SLC25A48: variants seen among roughly 807,000 people sequenced by gnomAD.
SLC25A48 encodes CTC-321K16.1.
SLC25A48 carries 29 observed loss-of-function variants against 32.2 expected under a neutral mutation model. That is an observed-to-expected ratio of 0.90 (90% CI 0.67 to 1.23). The LOEUF (loss-of-function observed/expected upper bound fraction) is 1.23, where lower values mean the gene tolerates loss of function less well. SLC25A48 is among the 50% of genes most tolerant of loss of function. The pLI, the probability that SLC25A48 is intolerant of heterozygous loss-of-function variation, is 0.00. For synonymous variants in SLC25A48, 164 were observed against 172.3 expected (o/e 0.95, Z 0.38); for missense variants, 399 against 422.7 (o/e 0.94, Z 0.49).
chr5:135,603,513 C>A (rs936320784), intron 1 of SLC25A48, among the ~76,000 whole-genome samples: 2 of 152,228 alleles, frequency 1.3e-5, no homozygotes, highest in Non-Finnish European at 2.9e-5. Flanking sequence ...CCAGCAGGCC[C>A]GGCCCTGCCT....
At chr5:135,863,545 C>T (rs1358832215) in intron 4 of SLC25A48, among the ~76,000 whole-genome samples, 1 of 152,192 alleles carries the variant, frequency 6.6e-6, no homozygotes, top group Non-Finnish European at 1.5e-5. Flanking sequence ...GTTACAGTAA[C>T]ACTAATAACT....
At chr5:135,679,362 G>A (rs1332429679) in intron 3 of SLC25A48, among the ~76,000 whole-genome samples, 1 of 152,182 alleles carries the variant, frequency 6.6e-6, no homozygotes, top group Non-Finnish European at 1.5e-5. Flanking sequence ...GCCGAGCTGG[G>A]CCAGGTGGAT....
At chr5:135,583,673 A>C (rs942363820) in intron 1 of SLC25A48, among the ~76,000 whole-genome samples, 5 of 151,626 alleles carry the variant, frequency 3.3e-5, no homozygotes, top group African/African-American at 1.2e-4. Context: ...GTACCTAGCT[A>C]CTTAGGCCAG....
chr5:135,882,456 A>T (rs1371752447), intron 7 of SLC25A48, among the ~76,000 whole-genome samples: 1 of 152,154 alleles, frequency 6.6e-6, no homozygotes, highest in Non-Finnish European at 1.5e-5. Flanking sequence ...TAGGGTGCCA[A>T]GCTGTCCCTA....
At position 135,615,565 on chromosome 5, in the gene SLC25A48, A is replaced by C. The variant is rs148930006; in HGVS notation, c.-848-13672A>C. 8.2e-4 allele frequency among the ~76,000 whole-genome samples: 125 copies of C among 152,298 alleles called. 1 individual carries two copies. Among genetic ancestry groups the C allele is most frequent in the African/African-American group, 2.9e-3 (119 of 41,568 alleles). On this transcript the variant is annotated intron_variant, in intron 1 of 10. Coordinates refer to the SLC25A48 transcript ENST00000646290. ...ATATGCTCACATAAATGAGCAAAGA[A>C]ATGACCTGAAACCAGAACTTACATA...
chr5:135,749,191 G>A (rs1755711438), intron 3 of SLC25A48, among the ~76,000 whole-genome samples: 1 of 151,954 alleles, frequency 6.6e-6, no homozygotes, highest in Non-Finnish European at 1.5e-5. Flanking sequence ...TTTGCACAGT[G>A]GCAAGGAAGA....
At position 135,852,718 on chromosome 5, in the gene SLC25A48, G is replaced by A; in HGVS notation, c.318G>A (p.Leu106=). 1 of 1,614,158 alleles carries A rather than the reference G, an allele frequency of 6.2e-7. No homozygotes were observed. The highest frequency in any genetic ancestry group is 1.6e-4 in the Middle Eastern group (1 of 6,062). The change falls in exon 4 of 8, where the codon CTG becomes CTA. Residue 106 remains leucine, a synonymous_variant. Coordinates refer to ENST00000681962, the MANE Select transcript of SLC25A48 (RefSeq NM_001349336.2). Reference sequence around the variant, plus strand: ...GTCCTCCCCGCACGCTGTCAGACCTGCTCCTGGCCAGCATGGTGGCCGGCG... The same window carrying A: ...GTCCTCCCCGCACGCTGTCAGACCTACTCCTGGCCAGCATGGTGGCCGGCG... ...EASPPRTLSD[L]LLASMVAGVV...
rs1190953520 is a variant in SLC25A48, at chr5:135,782,577, C to T, written c.-520-29946C>T. Among the ~76,000 whole-genome samples the T allele has an allele frequency of 4.3e-5, 5 of 116,086 alleles. 2 individuals are homozygous for T. Among genetic ancestry groups the T allele is most frequent in the Non-Finnish European group, 1.1e-4 (5 of 46,916 alleles). 76.2% of individuals were successfully genotyped at this position (116,086 alleles called of 152,430 possible). On this transcript the variant is annotated intron_variant, in intron 3 of 10. Transcript: ENST00000646290. ...TAATATGGTAGGGAGGGTGGTTAAC[C>T]CACCCTGTGAGAGTGTTCCTAATAT...
chr5:135,798,222 T>C (rs1021913858), intron 3 of SLC25A48, among the ~76,000 whole-genome samples: 9 of 151,754 alleles, frequency 5.9e-5, no homozygotes, highest in Non-Finnish European at 1.5e-5. Flanking sequence ...AAGATAACAT[T>C]ATTCCTAATT....
At chr5:135,853,623 A>C (rs1760076324) in intron 4 of SLC25A48, among the ~76,000 whole-genome samples, 1 of 152,170 alleles carries the variant, frequency 6.6e-6, no homozygotes. Context: ...TCTACTTCTC[A>C]TTCTAGTTCT....
At chr5:135,882,941 G>A (rs17169308) in intron 7 of SLC25A48, 2 of 550,976 alleles carry the variant, frequency 3.6e-6, no homozygotes, top group Non-Finnish European at 4.6e-6. Flanking sequence ...GCCTCTGCCA[G>A]TCTGTACTTT....
intron 3 of SLC25A48, among the ~76,000 whole-genome samples, chr5:135,727,721 G>A (rs1755121106): frequency 6.6e-6 from 1 of 152,170 alleles, no homozygotes; most frequent in African/African-American, 2.4e-5. Context: ...ACATATTTGT[G>A]TGAGTCCCAT....
intron 3 of SLC25A48, among the ~76,000 whole-genome samples, chr5:135,635,540 G>A (rs1752680361): frequency 2.0e-5 from 3 of 152,232 alleles, no homozygotes; most frequent in Admixed American, 6.5e-5. Flanking sequence ...CAATGCTTTA[G>A]TGCAGGATTT....
At chr5:135,759,987 G>T (rs1436111923) in intron 3 of SLC25A48, among the ~76,000 whole-genome samples, 2 of 151,730 alleles carry the variant, frequency 1.3e-5, no homozygotes, top group African/African-American at 4.8e-5. Context: ...GCACCACCAC[G>T]TCCAGCTAAT....
chr5:135,790,742 A>G (rs1757005427), intron 3 of SLC25A48, among the ~76,000 whole-genome samples: 1 of 151,368 alleles, frequency 6.6e-6, no homozygotes, highest in South Asian at 2.1e-4. Flanking sequence ...GATATTATTC[A>G]TAATATTCTA....
intron 3 of SLC25A48, among the ~76,000 whole-genome samples, chr5:135,725,053 T>C (rs1441811205): frequency 2.0e-5 from 3 of 152,218 alleles, no homozygotes; most frequent in Non-Finnish European, 1.5e-5. Context: ...CTTCCACAAG[T>C]AGTAAAAATC....
intron 3 of SLC25A48, among the ~76,000 whole-genome samples, chr5:135,653,019 C>T (rs1753153225): frequency 6.6e-6 from 1 of 152,206 alleles, no homozygotes; most frequent in Admixed American, 6.5e-5. Context: ...GGTTCACGCT[C>T]TTCCACTCTT....
intron 3 of SLC25A48, among the ~76,000 whole-genome samples, chr5:135,713,872 TC>T (rs1754732291): frequency 6.6e-6 from 1 of 152,170 alleles, no homozygotes; most frequent in African/African-American, 2.4e-5. Flanking sequence ...CAGGACATCT[TC>T]CCCTCGAGGA....
In SLC25A48 at chr5:135,661,690, AT is replaced by A. The variant is rs1192699296; in HGVS notation, c.-521+26736del. Reference sequence around the variant, plus strand: ...TCTGCTACTCTCTCTAGGGGTGCATATTATACATTCATATATAAACAATAAT... The same window carrying A: ...TCTGCTACTCTCTCTAGGGGTGCATATATACATTCATATATAAACAATAAT... On this transcript the variant is annotated intron_variant, in intron 3 of 10. Transcript: ENST00000646290. 1.2e-4 allele frequency among the ~76,000 whole-genome samples: 19 copies of A among 152,296 alleles called. No homozygotes were observed. In the East Asian group the frequency reaches 3.7e-3, roughly 29 times the overall value.
Sources: gnomAD v4.1 joint callset for allele counts (sites outside exome capture counted in the v4.1 genomes callset) on GRCh38, gnomAD v4.1.1 for gene constraint, MANE v1.5 for transcripts, NCBI Gene and HGNC (gene_info 2026-07-23, HGNC 2026-07-21) for gene names.